Variants in PACSIN2 observed in about 807,000 individuals in gnomAD.
PACSIN2 encodes protein kinase C and casein kinase substrate in neurons protein 2.
A neutral mutation model predicts 63.8 loss-of-function variants in PACSIN2; 25 were observed. That is an observed-to-expected ratio of 0.39 (90% CI 0.29 to 0.55). The LOEUF (loss-of-function observed/expected upper bound fraction) is 0.55. PACSIN2 is among the 20% of genes least tolerant of loss of function. The pLI, the probability that PACSIN2 is intolerant of heterozygous loss-of-function variation, is 0.62. For synonymous variants in PACSIN2, 255 were observed against 256.2 expected, an observed-to-expected ratio of 1.00 and a Z score of 0.05; for missense variants, 518 against 646.9, an observed-to-expected ratio of 0.80 and a Z score of 2.16.
Position 42,982,888 on chromosome 22 carries a change from A to AAAAAAAAAAAAAAACAAC in PACSIN2, c.-78+32132_-78+32133insGTTGTTTTTTTTTTTTTT, listed in dbSNP as rs759532303. On this transcript the variant is annotated intron_variant, in intron 1 of 10. Coordinates refer to ENST00000263246, the MANE Select transcript of PACSIN2 (RefSeq NM_001184970.3). The stretch of plus-strand genomic sequence containing the variant: ...GATCAATAAAAAAAAAAAAAAAAAA[A>AAAAAAAAAAAAAAACAAC]AACAACAACAAGGCTAGGAGCAGTG... 3.1e-3 allele frequency among the ~76,000 whole-genome samples: 324 copies of AAAAAAAAAAAAAAACAAC among 104,950 alleles called. 5 individuals are homozygous for AAAAAAAAAAAAAAACAAC. The highest frequency in any genetic ancestry group is 5.5e-3 in the Non-Finnish European group (264 of 47,720). The allele number at this position is 104,950 out of a possible 152,430, so 68.9% of individuals were successfully genotyped here. A position where few individuals can be genotyped will look rare whatever the true frequency, so the allele number is the denominator to read the frequency against.
At chr22:42,966,102 T>C (rs934335558) in intron 1 of PACSIN2, among the ~76,000 whole-genome samples, 1 of 152,208 alleles carries the variant, frequency 6.6e-6, no homozygotes, top group Admixed American at 6.5e-5. Flanking sequence ...CTGGGCGCGG[T>C]GGCTCACGCC....
chr22:42,925,178 C>T (rs1303893341), intron 1 of PACSIN2, among the ~76,000 whole-genome samples: 2 of 151,900 alleles, frequency 1.3e-5, no homozygotes, highest in Non-Finnish European at 2.9e-5. Flanking sequence ...TCTGTCTGAC[C>T]CTCTAGAAAG....
chr22:42,871,198 C>G lies in PACSIN2; in HGVS notation c.*159G>C. The G allele has an allele frequency of 1.6e-6, 1 of 629,264 alleles. No individual in the cohort carries two copies. Among genetic ancestry groups the G allele is most frequent in the Non-Finnish European group, 2.9e-6 (1 of 346,114 alleles). The allele number at this position is 629,264 out of a possible 1,614,324, so 39.0% of individuals were successfully genotyped here. A position where few individuals can be genotyped will look rare whatever the true frequency, so the allele number is the denominator to read the frequency against. On this transcript the variant is annotated 3_prime_UTR_variant, in exon 11 of 11. Transcript: ENST00000263246. The surrounding 1 kb of genome is among the most constrained non-coding windows in gnomAD (Gnocchi z 5.4). ...GCTGCACTCGGAAAGGTGCCGAGTC[C>G]CAGGCGAAATGACCAGCTCATCTGC...
intron 1 of PACSIN2, among the ~76,000 whole-genome samples, chr22:42,930,434 C>T (rs886831071): frequency 1.1e-4 from 16 of 152,152 alleles, no homozygotes; most frequent in South Asian, 2.1e-4. Context: ...TCGTGTCTCA[C>T]GCAGAGCCTA....
intron 1 of PACSIN2, among the ~76,000 whole-genome samples, chr22:42,993,353 A>G (rs1923179027): frequency 6.6e-6 from 1 of 152,252 alleles, no homozygotes; most frequent in Non-Finnish European, 1.5e-5. Flanking sequence ...TGGACTTCTC[A>G]CTATCTTCTT....
intron 1 of PACSIN2, among the ~76,000 whole-genome samples, chr22:42,928,574 T>C (rs1932680875): frequency 6.6e-6 from 1 of 152,212 alleles, no homozygotes; most frequent in Non-Finnish European, 1.5e-5. Context: ...TCACTGGGCC[T>C]GATGGACTGA....
intron 1 of PACSIN2, among the ~76,000 whole-genome samples, chr22:43,000,541 C>T (rs1327928363): frequency 1.3e-5 from 2 of 152,122 alleles, no homozygotes; most frequent in Admixed American, 6.5e-5. Flanking sequence ...TTTCGTGAAC[C>T]TGCAAGTTCC....
chr22:42,875,652 C>G (rs1928559174), intron 10 of PACSIN2, among the ~76,000 whole-genome samples: 1 of 152,102 alleles, frequency 6.6e-6, no homozygotes, highest in Non-Finnish European at 1.5e-5. Context: ...TCTCCTGCCG[C>G]AGCCTCCTGA....
At chr22:42,982,870 A>AAC (rs1922289350) in intron 1 of PACSIN2, among the ~76,000 whole-genome samples, 1 of 76,094 alleles carries the variant, frequency 1.3e-5, no homozygotes, top group African/African-American at 8.0e-5. Flanking sequence ...AATGATCAAT[A>AAC]AAAAAAAAAA....
At chr22:42,921,895 T>C (rs527376049) in intron 1 of PACSIN2, among the ~76,000 whole-genome samples, 11 of 152,110 alleles carry the variant, frequency 7.2e-5, no homozygotes, top group South Asian at 4.2e-4. Flanking sequence ...CTCACCACCA[T>C]GCCAGGCTAA....
chr22:42,966,843 G>T (rs1221646281), intron 1 of PACSIN2, among the ~76,000 whole-genome samples: 3 of 152,198 alleles, frequency 2.0e-5, no homozygotes, highest in Admixed American at 6.5e-5. Context: ...AAAGGAATGT[G>T]AGCAAGGTTC....
chr22:42,930,435 G>A (rs1412064992), intron 1 of PACSIN2, among the ~76,000 whole-genome samples: 2 of 152,128 alleles, frequency 1.3e-5, no homozygotes, highest in Admixed American at 6.5e-5. Context: ...CGTGTCTCAC[G>A]CAGAGCCTAG....
At chr22:42,895,930 C>T (rs540353305) in intron 2 of PACSIN2, among the ~76,000 whole-genome samples, 1 of 152,318 alleles carries the variant, frequency 6.6e-6, no homozygotes, top group South Asian at 2.1e-4. Context: ...CCATAAACCA[C>T]CAGGGACAGA....
At chr22:42,896,503 C>G (rs1056821391) in intron 2 of PACSIN2, among the ~76,000 whole-genome samples, 8 of 152,148 alleles carry the variant, frequency 5.3e-5, no homozygotes, top group South Asian at 2.1e-4. Context: ...GGTAGTTATA[C>G]CACTCTTTGG....
chr22:42,877,087 G>A, intron 8 of PACSIN2, 77 bp from the exon 9 acceptor site: 1 of 1,507,072 alleles, frequency 6.6e-7, no homozygotes, highest in South Asian at 1.1e-5. Flanking sequence ...CTAGCTGCAG[G>A]ATCTCAAGAG....
In PACSIN2 at chr22:42,871,270, T is replaced by C; in HGVS notation, c.*87A>G. The C allele has an allele frequency of 1.2e-6, 1 of 805,508 alleles. No individual in the cohort carries two copies. The highest frequency in any genetic ancestry group is 2.2e-6 in the Non-Finnish European group (1 of 455,570). The allele number at this position is 805,508 out of a possible 1,614,324, so 49.9% of individuals were successfully genotyped here. ...CAAGAGCAATGGAACCATCATCTCT[T>C]GCAGGAAAAGGAGTGGATGCCCACG... On this transcript the variant is annotated 3_prime_UTR_variant, in exon 11 of 11. Coordinates refer to ENST00000263246, the MANE Select transcript of PACSIN2 (RefSeq NM_001184970.3). This position sits in a 1 kb window ranked among gnomAD's most constrained non-coding sequence, Gnocchi z 5.4.
At chr22:42,883,997 C>A (rs1261990124) in intron 6 of PACSIN2, among the ~76,000 whole-genome samples, 1 of 148,130 alleles carries the variant, frequency 6.8e-6, no homozygotes, top group Non-Finnish European at 1.5e-5. Flanking sequence ...CAAAGCAAGA[C>A]TCCGTCTCAA....
At chr22:42,875,285 G>C (rs1928520290) in intron 10 of PACSIN2, among the ~76,000 whole-genome samples, 1 of 152,056 alleles carries the variant, frequency 6.6e-6, no homozygotes, top group African/African-American at 2.4e-5. Context: ...TGGGACTATA[G>C]GTATGCAACA....
At chr22:42,883,688 G>A (rs1219536596) in intron 6 of PACSIN2, among the ~76,000 whole-genome samples, 1 of 152,226 alleles carries the variant, frequency 6.6e-6, no homozygotes. Context: ...AGAAATGCCA[G>A]ATTCACCTCC....
Sources: gnomAD v4.1 joint callset for allele counts (sites outside exome capture counted in the v4.1 genomes callset) on GRCh38, gnomAD v4.1.1 for gene constraint, Gnocchi (gnomAD v3.1) non-coding constraint, MANE v1.5 for transcripts, NCBI Gene and HGNC (gene_info 2026-07-23, HGNC 2026-07-21) for gene names.